Variants in MBD5 observed in about 807,000 individuals in gnomAD.
MBD5 encodes methyl-CpG binding domain protein 5.
In MBD5, 13 loss-of-function variants were observed where a neutral mutation model predicts 117.3. The ratio of observed to expected loss-of-function variants is 0.11; its 90% CI spans 0.07 to 0.18. MBD5 has a LOEUF of 0.18. Ranked by LOEUF, MBD5 falls within the 10% of genes least tolerant of loss-of-function variation. MBD5 has a pLI of 1.00. For synonymous variants in MBD5, 727 were observed against 766.4 expected (o/e 0.95, Z 0.85); for missense variants, 1,879 against 2,093.8 (o/e 0.90, Z 2.00).
At chr2:148,096,597 T>C (rs1696075406) in intron 1 of MBD5, among the ~76,000 whole-genome samples, 1 of 152,212 alleles carries the variant, frequency 6.6e-6, no homozygotes, top group Non-Finnish European at 1.5e-5. Context: ...GCTCTGATTG[T>C]TCTGCGAATT....
chr2:148,400,300 G>A (rs143851836), intron 4 of MBD5, among the ~76,000 whole-genome samples: 86 of 152,008 alleles, frequency 5.7e-4, no homozygotes, highest in Non-Finnish European at 9.1e-4. Flanking sequence ...AAGTGAAGCT[G>A]GTTCTGGTTA....
chr2:148,099,810 C>T (rs1407018455), intron 1 of MBD5, among the ~76,000 whole-genome samples: 1 of 152,146 alleles, frequency 6.6e-6, no homozygotes, highest in Non-Finnish European at 1.5e-5. Context: ...CTACTTCCTC[C>T]AGTTTTCCAA....
At chr2:148,154,113 T>TG (rs1177897583) in intron 1 of MBD5, among the ~76,000 whole-genome samples, 1 of 8,778 alleles carries the variant, frequency 1.1e-4, no homozygotes, top group South Asian at 3.4e-3. Flanking sequence ...TACAGATGGG[T>TG]TTTGGTGTGG....
intron 2 of MBD5, among the ~76,000 whole-genome samples, chr2:148,226,140 T>G (rs574403661): frequency 6.6e-6 from 1 of 152,260 alleles, no homozygotes; most frequent in East Asian, 1.9e-4. Context: ...TACTTTAAGT[T>G]TTAGGGTACA....
intron 4 of MBD5, among the ~76,000 whole-genome samples, chr2:148,411,770 A>G (rs1053372254): frequency 1.3e-5 from 2 of 151,956 alleles, no homozygotes; most frequent in African/African-American, 4.8e-5. Context: ...ATAGTTTGCA[A>G]ATATTTTCTT....
chr2:148,376,629 T>C (rs1352891306), intron 4 of MBD5, among the ~76,000 whole-genome samples: 2 of 147,874 alleles, frequency 1.4e-5, no homozygotes, highest in African/African-American at 5.0e-5. Context: ...AAAATTGTCT[T>C]CATACATTGA....
At chr2:148,398,998 T>C (rs1196001003) in intron 4 of MBD5, among the ~76,000 whole-genome samples, 9 of 152,206 alleles carry the variant, frequency 5.9e-5, no homozygotes, top group Admixed American at 3.3e-4. Flanking sequence ...CTCTGTTCTG[T>C]TCCATTGGTC....
chr2:148,496,888 A>G (rs1434652664), intron 11 of MBD5, among the ~76,000 whole-genome samples: 2 of 152,234 alleles, frequency 1.3e-5, no homozygotes, highest in African/African-American at 2.4e-5. Context: ...CATGAGAACT[A>G]TTGTACTATT....
chr2:148,200,174 T>C (rs1699100703), intron 2 of MBD5, among the ~76,000 whole-genome samples: 2 of 148,612 alleles, frequency 1.3e-5, no homozygotes, highest in Non-Finnish European at 3.0e-5. Flanking sequence ...GTCCCCCCCT[T>C]ACCTTGCTTT....
At position 148,458,316 on chromosome 2, in the gene MBD5, G is replaced by A. The variant is rs1481594193; in HGVS notation, c.-443G>A. 7.3e-6 allele frequency: 3 copies of A among 411,858 alleles called. No homozygotes were observed. The highest frequency in any genetic ancestry group is 3.4e-5 in the East Asian group (1 of 29,152). The allele number at this position is 411,858 out of a possible 1,614,324, so 25.5% of individuals were successfully genotyped here. A position where few individuals can be genotyped will look rare whatever the true frequency, so the allele number is the denominator to read the frequency against. On this transcript the variant is annotated 5_prime_UTR_variant, in exon 5 of 14. Transcript: ENST00000642680. The stretch of plus-strand genomic sequence containing the variant: ...TTTAAAGAATGTGGCCTATAAAGGC[G>A]GGTACCTGGAAATATTAACCGACTC...
chr2:148,251,498 A>T (rs1280682428), intron 3 of MBD5, among the ~76,000 whole-genome samples: 1 of 152,198 alleles, frequency 6.6e-6, no homozygotes, highest in African/African-American at 2.4e-5. Flanking sequence ...TTTAATACCC[A>T]TTTATGATAT....
At chr2:148,125,970 A>G (rs1331460028) in intron 1 of MBD5, among the ~76,000 whole-genome samples, 4 of 152,232 alleles carry the variant, frequency 2.6e-5, no homozygotes, top group African/African-American at 4.8e-5. Context: ...AATGAAAAAT[A>G]CATTGGTAGT....
At chr2:148,386,718 CAAA>C (rs60766324) in intron 4 of MBD5, among the ~76,000 whole-genome samples, 2,613 of 103,694 alleles carry the variant, frequency 0.025, 24 homozygotes, top group African/African-American at 0.092. Context: ...GACTCCGTCT[CAAA>C]AAAAAAAAAA....
intron 1 of MBD5, among the ~76,000 whole-genome samples, chr2:148,077,148 T>C (rs1695529256): frequency 6.6e-6 from 1 of 152,224 alleles, no homozygotes; most frequent in Non-Finnish European, 1.5e-5. Flanking sequence ...TCAAACTAAC[T>C]GCTCTCTAGC....
chr2:148,284,931 A>G (rs1043074279), intron 3 of MBD5, among the ~76,000 whole-genome samples: 6 of 152,150 alleles, frequency 3.9e-5, no homozygotes, highest in African/African-American at 1.2e-4. Context: ...CCCCAACAAT[A>G]TATGAGTGAC....
intron 1 of MBD5, among the ~76,000 whole-genome samples, chr2:148,059,485 C>G (rs1694967543): frequency 3.3e-5 from 5 of 152,106 alleles, no homozygotes; most frequent in Admixed American, 3.3e-4. Context: ...TGTAAATATA[C>G]TAGCATAATT....
At chr2:148,444,998 C>A (rs1263324033) in intron 4 of MBD5, among the ~76,000 whole-genome samples, 1 of 151,232 alleles carries the variant, frequency 6.6e-6, no homozygotes, top group Non-Finnish European at 1.5e-5. Context: ...CTTGTTTCCA[C>A]ATCCCTTGCT....
intron 4 of MBD5, among the ~76,000 whole-genome samples, chr2:148,349,934 A>G (rs1703213298): frequency 6.6e-6 from 1 of 151,998 alleles, no homozygotes; most frequent in African/African-American, 2.4e-5. Flanking sequence ...CCAGAACAGT[A>G]AAAATAACAT....
chr2:148,248,365 T>C (rs1700385996), intron 3 of MBD5, among the ~76,000 whole-genome samples: 1 of 152,018 alleles, frequency 6.6e-6, no homozygotes, highest in South Asian at 2.1e-4. Context: ...ACTACATAAG[T>C]GATACCAAAA....
Sources: allele counts gnomAD v4.1 joint callset (sites outside exome capture counted in the v4.1 genomes callset), GRCh38; gene constraint gnomAD v4.1.1; transcripts MANE v1.5; gene names NCBI Gene and HGNC (gene_info 2026-07-23, HGNC 2026-07-21).